Variants in STAU1 observed in about 807,000 individuals in gnomAD.
STAU1 encodes double-stranded RNA-binding protein Staufen homolog 1.
Under a neutral mutation model 62.9 loss-of-function variants are expected in STAU1, and 13 were observed. That is an observed-to-expected ratio of 0.21 (90% CI 0.13 to 0.33). The LOEUF (loss-of-function observed/expected upper bound fraction) is 0.33. Among genes scored for constraint, STAU1 ranks in the 10% least tolerant of loss-of-function variants. The pLI, the probability that STAU1 is intolerant of heterozygous loss-of-function variation, is 1.00. For missense variants in STAU1, 571 were observed against 712.1 expected, an observed-to-expected ratio of 0.80 and a Z score of 2.25; for synonymous variants, 269 against 265.1, an observed-to-expected ratio of 1.01 and a Z score of -0.14.
In STAU1 at chr20:49,166,287, T is replaced by A; in HGVS notation, c.-84-2A>T. On this transcript the variant is annotated splice_acceptor_variant, in intron 2 of 13. Transcript: ENST00000371856. LOFTEE classifies it low-confidence loss of function (5UTR_SPLICE). Reference sequence around the variant, plus strand: ...GTGCTATGAAGTCTAAAGTTCTACCTAAAAGTTGTAAGGGAAAGAAAATAA... The same window carrying A: ...GTGCTATGAAGTCTAAAGTTCTACCAAAAAGTTGTAAGGGAAAGAAAATAA... The A allele has an allele frequency of 8.3e-7, 1 of 1,205,104 alleles. No homozygotes were observed. The highest frequency in any genetic ancestry group is 1.2e-6 in the Non-Finnish European group (1 of 844,008). The allele number at this position is 1,205,104 out of a possible 1,614,324, so 74.7% of individuals were successfully genotyped here. A position where few individuals can be genotyped will look rare whatever the true frequency, so the allele number is the denominator to read the frequency against.
chr20:49,140,318 C>T (rs1367703866), intron 5 of STAU1, among the ~76,000 whole-genome samples: 1 of 151,982 alleles, frequency 6.6e-6, no homozygotes, highest in Admixed American at 6.6e-5. Context: ...GATATACACC[C>T]AAAAGACCTG....
At chr20:49,158,224 G>A (rs2093393940) in intron 3 of STAU1, among the ~76,000 whole-genome samples, 1 of 152,118 alleles carries the variant, frequency 6.6e-6, no homozygotes, top group Admixed American at 6.5e-5. Flanking sequence ...TGCGGTTGCA[G>A]TGAGCCGAGA....
At chr20:49,203,902 G>T in the STAU1 span, among the ~76,000 whole-genome samples, 3 of 152,130 alleles carry the variant, frequency 2.0e-5, no homozygotes, top group Admixed American at 2.0e-4. Flanking sequence ...GGCCAGACTG[G>T]TCTCGAAATC....
chr20:49,147,329 C>A (rs1177472593), intron 5 of STAU1, among the ~76,000 whole-genome samples: 1 of 152,198 alleles, frequency 6.6e-6, no homozygotes, highest in Admixed American at 6.5e-5. Context: ...TCTAGCACAG[C>A]GCCTGGCATG....
intron 7 of STAU1, among the ~76,000 whole-genome samples, chr20:49,124,007 G>A (rs568978098): frequency 6.6e-6 from 1 of 152,252 alleles, no homozygotes; most frequent in African/African-American, 2.4e-5. Context: ...CCTCCTGCCT[G>A]GCACAAATCT....
chr20:49,182,968 C>G (rs913918232), intron 1 of STAU1, among the ~76,000 whole-genome samples: 4 of 151,864 alleles, frequency 2.6e-5, no homozygotes, highest in Non-Finnish European at 5.9e-5. Context: ...TGAAATTTTT[C>G]ATAATAAAAT....
intron 5 of STAU1, among the ~76,000 whole-genome samples, chr20:49,144,423 G>A (rs895291202): frequency 1.3e-5 from 2 of 152,042 alleles, no homozygotes; most frequent in African/African-American, 4.8e-5. Flanking sequence ...ATAATCACTA[G>A]CTGATTCTTG....
chr20:49,194,429 C>CAAAAAAAAAAAAAAAAAAAAAAA, the STAU1 span, among the ~76,000 whole-genome samples: 1 of 81,160 alleles, frequency 1.2e-5, no homozygotes, highest in Non-Finnish European at 2.3e-5. Context: ...AACTCCGTCT[C>CAAAAAAAAAAAAAAAAAAAAAAA]AAAAAAAAAA....
At chr20:49,202,931 A>C in the STAU1 span, among the ~76,000 whole-genome samples, 2 of 151,042 alleles carry the variant, frequency 1.3e-5, no homozygotes, top group Non-Finnish European at 2.9e-5. Flanking sequence ...AACCCCAGCT[A>C]CTTGGGAGGC....
the STAU1 span, among the ~76,000 whole-genome samples, chr20:49,212,796 C>A: frequency 2.0e-5 from 3 of 151,314 alleles, no homozygotes; most frequent in African/African-American, 7.3e-5. Flanking sequence ...TGGGGTTTCT[C>A]CATGTTGGTC....
At chr20:49,199,812 G>T in the STAU1 span, among the ~76,000 whole-genome samples, 2 of 152,112 alleles carry the variant, frequency 1.3e-5, no homozygotes, top group Non-Finnish European at 1.5e-5. Flanking sequence ...GACCTCAGGT[G>T]ATCCAACTGC....
At chr20:49,203,551 C>T in the STAU1 span, among the ~76,000 whole-genome samples, 6 of 152,132 alleles carry the variant, frequency 3.9e-5, no homozygotes, top group Non-Finnish European at 4.4e-5. Flanking sequence ...TTTAAGGTGA[C>T]GATTCGAGAG....
intron 5 of STAU1, among the ~76,000 whole-genome samples, chr20:49,138,871 G>A (rs1314029030): frequency 6.6e-6 from 1 of 152,038 alleles, no homozygotes; most frequent in East Asian, 1.9e-4. Flanking sequence ...CCTTAAAACT[G>A]GCAATTTGCA....
intron 5 of STAU1, among the ~76,000 whole-genome samples, chr20:49,146,668 G>A (rs996958158): frequency 2.0e-5 from 3 of 149,000 alleles, no homozygotes; most frequent in African/African-American, 2.5e-5. Flanking sequence ...GAGGGCCTCC[G>A]CACTCCAGCC....
intron 6 of STAU1, chr20:49,135,088 C>A: frequency 9.7e-7 from 1 of 1,036,044 alleles, no homozygotes; most frequent in East Asian, 2.4e-5. Flanking sequence ...CAATCTTTTG[C>A]CTTTATTCGT....
chr20:49,195,835 G>A, the STAU1 span, among the ~76,000 whole-genome samples: 6 of 144,390 alleles, frequency 4.2e-5, no homozygotes, highest in East Asian at 8.4e-4. Context: ...CCCAGGAGGC[G>A]GAGGTTGCAG....
At chr20:49,188,950 C>T (rs1049653153), upstream of STAU1, among the ~76,000 whole-genome samples, 1 of 152,092 alleles carries the variant, frequency 6.6e-6, no homozygotes, top group African/African-American at 2.4e-5. Context: ...CCTCTAATCC[C>T]GGCACTTTGG....
chr20:49,204,395 T>C, the STAU1 span, among the ~76,000 whole-genome samples: 1 of 151,728 alleles, frequency 6.6e-6, no homozygotes, highest in African/African-American at 2.4e-5. Flanking sequence ...TTCTGAATGG[T>C]TCACCTATAT....
At chr20:49,188,417 C>T (rs993507772), upstream of STAU1, 40 of 152,170 alleles carry the variant, frequency 2.6e-4, no homozygotes, top group Non-Finnish European at 5.2e-4. Context: ...GCCTCCAGGC[C>T]CGGCCCCGGC....
Sources: gnomAD v4.1 joint callset for allele counts (sites outside exome capture counted in the v4.1 genomes callset) on GRCh38, gnomAD v4.1.1 for gene constraint, MANE v1.5 for transcripts, NCBI Gene and HGNC (gene_info 2026-07-23, HGNC 2026-07-21) for gene names.